NRXN1: variants seen among roughly 807,000 people sequenced by gnomAD.
The protein encoded by NRXN1 is neurexin 1, also known as neurexin-1.
Under a neutral mutation model 150.9 loss-of-function variants are expected in NRXN1, and 39 were observed. The observed-to-expected ratio is 0.26, with a 90% CI of 0.20 to 0.34. The LOEUF is 0.34. NRXN1 is among the 10% of genes least tolerant of loss of function. The probability of loss-of-function intolerance (pLI) is 1.00; values close to 1 mark genes in which losing one functional copy is unlikely to be tolerated. For missense variants in NRXN1, 1,815 were observed against 1,949.9 expected (o/e 0.93, Z 1.30); for synonymous variants, 924 against 757.0 (o/e 1.22, Z -3.62).
At chr2:50,485,698 T>G (rs1347121767) in intron 15 of NRXN1, among the ~76,000 whole-genome samples, 2 of 152,012 alleles carry the variant, frequency 1.3e-5, no homozygotes, top group Non-Finnish European at 2.9e-5. Flanking sequence ...TCAGCCCATG[T>G]GGTAAGAGTC....
intron 5 of NRXN1, among the ~76,000 whole-genome samples, chr2:50,703,094 T>C (rs1693980244): frequency 1.3e-5 from 2 of 152,112 alleles, no homozygotes; most frequent in African/African-American, 4.8e-5. Context: ...TTACTGTTAG[T>C]ATTGCTCATT....
At chr2:50,901,976 A>C (rs780828806) in intron 5 of NRXN1, among the ~76,000 whole-genome samples, 1 of 152,198 alleles carries the variant, frequency 6.6e-6, no homozygotes, top group African/African-American at 2.4e-5. Flanking sequence ...AATGAATAGA[A>C]CATTACTTGC....
intron 17 of NRXN1, among the ~76,000 whole-genome samples, chr2:50,329,683 T>TC (rs2076703226): frequency 1.1e-5 from 1 of 91,434 alleles, no homozygotes; most frequent in Admixed American, 1.3e-4. Flanking sequence ...ATTTTTTTTT[T>TC]TCCCCCCCGA....
At chr2:50,006,659 C>A (rs1351051706) in intron 21 of NRXN1, among the ~76,000 whole-genome samples, 1 of 152,140 alleles carries the variant, frequency 6.6e-6, no homozygotes, top group Non-Finnish European at 1.5e-5. Flanking sequence ...AAATGAAATG[C>A]CTCTTCCACA....
intron 2 of NRXN1, among the ~76,000 whole-genome samples, chr2:50,978,800 T>C (rs556683305): frequency 6.6e-6 from 1 of 152,218 alleles, no homozygotes; most frequent in Admixed American, 6.6e-5. Flanking sequence ...AAAACATGCA[T>C]AATGATTAAA....
At chr2:50,565,134 A>G (rs1435142143) in intron 8 of NRXN1, among the ~76,000 whole-genome samples, 1 of 152,142 alleles carries the variant, frequency 6.6e-6, no homozygotes, top group African/African-American at 2.4e-5. Flanking sequence ...TGAATGCTAG[A>G]TCCAGGCAGC....
chr2:49,983,696 A>G (rs1049645721), intron 21 of NRXN1, among the ~76,000 whole-genome samples: 4 of 152,198 alleles, frequency 2.6e-5, no homozygotes, highest in Non-Finnish European at 5.9e-5. Flanking sequence ...AGTAAATAAG[A>G]TTAGAAACCA....
chr2:50,154,346 C>T (rs1183654757), intron 18 of NRXN1, among the ~76,000 whole-genome samples: 1 of 151,520 alleles, frequency 6.6e-6, no homozygotes, highest in African/African-American at 2.4e-5. Context: ...CCAAATACCA[C>T]CTGCTCCCTA....
chr2:50,060,498 C>T (rs969413266), intron 19 of NRXN1, among the ~76,000 whole-genome samples: 2 of 152,074 alleles, frequency 1.3e-5, no homozygotes, highest in Non-Finnish European at 2.9e-5. Context: ...TGAGTTAAGA[C>T]TTTGGGGAAC....
chr2:50,598,006 G>A (rs951767439), intron 8 of NRXN1, among the ~76,000 whole-genome samples: 4 of 152,082 alleles, frequency 2.6e-5, no homozygotes, highest in African/African-American at 7.2e-5. Flanking sequence ...GGGCATGGTG[G>A]CAGGCACCTG....
Position 51,028,055 on chromosome 2 carries a change from C to G in NRXN1, c.219G>C (p.Glu73Asp), listed in dbSNP as rs201031680. 4.4e-6 allele frequency: 7 copies of G among 1,598,254 alleles called. No individual in the cohort carries two copies. The highest frequency in any genetic ancestry group is 1.6e-4 in the Middle Eastern group (1 of 6,064). Reference sequence around the variant, plus strand: ...TCAGCTCCAGGAAGTCGCAGAAGCCCTCGTCGTCGAAGTAGAGCACGAGGC... The same window carrying G: ...TCAGCTCCAGGAAGTCGCAGAAGCCGTCGTCGTCGAAGTAGAGCACGAGGC... ...ARGLVLYFDD[E>D]GFCDFLELIL... is the part of the protein sequence containing the mutation. Residue 73 changes from glutamate to aspartate, a missense_variant, in exon 2 of 23, where the codon GAG becomes GAC. Around this residue, in one of 6 missense-constraint regions of NRXN1, gnomAD observed 554 missense variants for 478.8 expected, o/e 1.16. Coordinates refer to ENST00000401669, the MANE Select transcript of NRXN1 (RefSeq NM_001330078.2).
At chr2:50,981,690 G>T (rs1696845142) in intron 2 of NRXN1, among the ~76,000 whole-genome samples, 1 of 151,824 alleles carries the variant, frequency 6.6e-6, no homozygotes, top group Non-Finnish European at 1.5e-5. Flanking sequence ...ATCTTTGACA[G>T]CTTTTGGCTC....
At chr2:50,285,470 C>A (rs1047828998) in intron 17 of NRXN1, among the ~76,000 whole-genome samples, 9 of 152,068 alleles carry the variant, frequency 5.9e-5, no homozygotes, top group African/African-American at 2.2e-4. Flanking sequence ...CAACAATGAA[C>A]CTAATGTGCA....
intron 17 of NRXN1, among the ~76,000 whole-genome samples, chr2:50,434,615 C>CT (rs1180193812): frequency 1.3e-5 from 2 of 152,134 alleles, no homozygotes; most frequent in Non-Finnish European, 2.9e-5. Context: ...GGAAGGTCAT[C>CT]TTTAAGAGTC....
chr2:50,168,478 T>G (rs1196240255), intron 18 of NRXN1, among the ~76,000 whole-genome samples: 1 of 152,004 alleles, frequency 6.6e-6, no homozygotes, highest in African/African-American at 2.4e-5. Flanking sequence ...GAGAGAAGAG[T>G]GGAAATTTGA....
intron 18 of NRXN1, among the ~76,000 whole-genome samples, chr2:50,234,027 C>A (rs1037978826): frequency 2.0e-5 from 3 of 151,916 alleles, no homozygotes; most frequent in African/African-American, 7.3e-5. Context: ...TTTCTTCTTT[C>A]CTTCCTTCCT....
intron 21 of NRXN1, among the ~76,000 whole-genome samples, chr2:49,975,304 T>A (rs958320990): frequency 2.6e-5 from 4 of 152,056 alleles, no homozygotes; most frequent in African/African-American, 9.7e-5. Context: ...TTATTGCTTT[T>A]CATTGCCCAG....
At chr2:50,219,601 C>T (rs1715981) in intron 18 of NRXN1, among the ~76,000 whole-genome samples, 62,694 of 151,024 alleles carry the variant, frequency 0.42, 13,162 homozygotes, top group Middle Eastern at 0.46. Context: ...TAAAGATATT[C>T]TTAGGTCAAA....
intron 18 of NRXN1, among the ~76,000 whole-genome samples, chr2:50,106,440 A>G (rs2152718133): frequency 6.6e-6 from 1 of 152,160 alleles, no homozygotes; most frequent in African/African-American, 2.4e-5. Context: ...AAAAGAGAGA[A>G]GAATATTTAA....
Sources: allele counts gnomAD v4.1 joint callset (sites outside exome capture counted in the v4.1 genomes callset), GRCh38; gene constraint gnomAD v4.1.1; regional missense constraint gnomAD v4.1.1; transcripts MANE v1.5; gene names NCBI Gene and HGNC (gene_info 2026-07-23, HGNC 2026-07-21).